The following CYRIB variants were observed in gnomAD, a reference collection of about 807,000 sequenced individuals.
CYRIB encodes the protein CYFIP related Rac1 interactor B, also known as CYFIP-related Rac1 interactor B.
In CYRIB, 8 loss-of-function variants were observed where a neutral mutation model predicts 44.2. The observed-to-expected ratio is 0.18, with a 90% CI of 0.11 to 0.33. The LOEUF (loss-of-function observed/expected upper bound fraction) is 0.33, where lower values mean the gene tolerates loss of function less well. CYRIB is among the 10% of genes least tolerant of loss of function. The probability of loss-of-function intolerance (pLI) is 1.00; values close to 1 mark genes in which losing one functional copy is unlikely to be tolerated. For missense variants in CYRIB, 185 were observed against 382.8 expected (o/e 0.48, Z 4.31); for synonymous variants, 131 against 127.2 (o/e 1.03, Z -0.20).
At chr8:129,842,398 T>C (rs990093950) in intron 11 of CYRIB, among the ~76,000 whole-genome samples, 193 bp from the exon 14 acceptor site, 7 of 152,192 alleles carry the variant, frequency 4.6e-5, no homozygotes, top group Admixed American at 3.3e-4. Flanking sequence ...GAATAGCCAG[T>C]AGCTATTTAG....
intron 1 of CYRIB, among the ~76,000 whole-genome samples, chr8:129,922,210 C>T (rs1261617561): frequency 6.6e-6 from 1 of 152,184 alleles, no homozygotes; most frequent in Non-Finnish European, 1.5e-5. Context: ...TACCTGTCAT[C>T]ATCCCAACAA....
chr8:129,964,217 C>T (rs192703197), intron 2 of CYRIB, among the ~76,000 whole-genome samples: 26 of 152,302 alleles, frequency 1.7e-4, no homozygotes, highest in African/African-American at 4.3e-4. Context: ...GCATACTCAA[C>T]GGGAAAGTTG....
At chr8:129,850,692 A>G (rs2042813170) in intron 9 of CYRIB, 143 bp downstream of exon 11, 1 of 676,786 alleles carries the variant, frequency 1.5e-6, no homozygotes, top group Admixed American at 2.9e-5. Context: ...AAGTTTGTTC[A>G]TATATTAACA....
intron 11 of CYRIB, among the ~76,000 whole-genome samples, chr8:129,846,294 A>G (rs777266238): frequency 2.6e-5 from 4 of 152,234 alleles, no homozygotes; most frequent in African/African-American, 4.8e-5. Context: ...ATTACATTCT[A>G]TTAAGAGGAA....
intron 1 of CYRIB, among the ~76,000 whole-genome samples, chr8:129,912,179 G>A (rs76972411): frequency 0.017 from 2,605 of 152,070 alleles, 86 homozygotes; most frequent in African/African-American, 0.059. Context: ...AATAACATAA[G>A]GCAAATAAAG....
At chr8:129,999,744 A>G (rs1317317926) in intron 1 of CYRIB, among the ~76,000 whole-genome samples, 1 of 152,200 alleles carries the variant, frequency 6.6e-6, no homozygotes, top group Non-Finnish European at 1.5e-5. Flanking sequence ...CTCCCACTTC[A>G]GCCTCCCGAA....
chr8:129,917,757 T>C (rs1422197092), intron 1 of CYRIB, among the ~76,000 whole-genome samples: 2 of 152,080 alleles, frequency 1.3e-5, no homozygotes, highest in Admixed American at 6.5e-5. Context: ...CTCAGGAGGC[T>C]GAGACAGGAG....
intron 1 of CYRIB, among the ~76,000 whole-genome samples, chr8:129,906,878 T>G (rs909997395): frequency 1.3e-5 from 2 of 152,110 alleles, no homozygotes; most frequent in African/African-American, 4.8e-5. Flanking sequence ...ATCAGAGAAA[T>G]GCAAATCAAA....
intron 1 of CYRIB, among the ~76,000 whole-genome samples, chr8:129,975,284 G>A (rs1198076700): frequency 6.6e-6 from 1 of 152,126 alleles, no homozygotes; most frequent in African/African-American, 2.4e-5. Context: ...CCAAAGTGCT[G>A]GGATTACAGG....
intron 1 of CYRIB, among the ~76,000 whole-genome samples, chr8:130,011,574 T>C (rs1013933184): frequency 4.0e-5 from 6 of 151,780 alleles, no homozygotes; most frequent in African/African-American, 1.2e-4. Flanking sequence ...TCCCAGCACG[T>C]TGGGAGGCCG....
At chr8:129,847,666 C>T (rs982940493) in intron 10 of CYRIB, among the ~76,000 whole-genome samples, 2 of 152,096 alleles carry the variant, frequency 1.3e-5, no homozygotes, top group Admixed American at 1.3e-4. Context: ...AGGGGACTCA[C>T]AGGTTATTTT....
intron 1 of CYRIB, among the ~76,000 whole-genome samples, chr8:129,986,817 C>T (rs1024501995): frequency 2.6e-5 from 4 of 152,190 alleles, no homozygotes; most frequent in Non-Finnish European, 5.9e-5. Flanking sequence ...ACGGACAAGA[C>T]ACCAGGCAAA....
intron 1 of CYRIB, among the ~76,000 whole-genome samples, chr8:129,998,288 CG>C (rs1379613050): frequency 6.6e-6 from 1 of 152,130 alleles, no homozygotes; most frequent in Non-Finnish European, 1.5e-5. Flanking sequence ...CCTTCCAAGT[CG>C]GTACCTGGGT....
chr8:129,984,765 G>GT (rs553189841), intron 1 of CYRIB, among the ~76,000 whole-genome samples: 201 of 151,850 alleles, frequency 1.3e-3, no homozygotes, highest in African/African-American at 3.9e-3. Flanking sequence ...AGTGGTGGGG[G>GT]TTTTTTTTGT....
chr8:129,894,711 G>A (rs1012757386), intron 2 of CYRIB: 10 of 152,146 alleles, frequency 6.6e-5, no homozygotes, highest in Admixed American at 5.9e-4. Context: ...GCAGCAGCTT[G>A]TCTCTGGTAA....
rs1037305686 is a variant in CYRIB at position 129,854,437 on chromosome 8, C to T, written c.439-94G>A. 6.0e-6 allele frequency: 5 copies of T among 833,574 alleles called. No individual in the cohort carries two copies. In the African/African-American group the frequency reaches 8.8e-5, roughly 15 times the overall value. The allele number at this position is 833,574 out of a possible 1,614,324, so 51.6% of individuals were successfully genotyped here. On this transcript the variant is annotated intron_variant, in intron 6 of 11. Coordinates refer to ENST00000519824, the Ensembl canonical transcript of CYRIB. ...ATCTTTAGTTTTAATTAGTATAAAA[C>T]ATTCCATAATTCATAGTATCATTTT...
chr8:129,884,895 C>G (rs2062137294), intron 2 of CYRIB, among the ~76,000 whole-genome samples: 1 of 152,130 alleles, frequency 6.6e-6, no homozygotes, highest in African/African-American at 2.4e-5. Context: ...ACATTTGTTT[C>G]CACGTTGACA....
At chr8:129,911,732 A>G (rs963144377) in intron 1 of CYRIB, among the ~76,000 whole-genome samples, 9 of 152,174 alleles carry the variant, frequency 5.9e-5, no homozygotes, top group Non-Finnish European at 1.0e-4. Flanking sequence ...GCTGTTTTCA[A>G]TTATGAAAAA....
intron 1 of CYRIB, among the ~76,000 whole-genome samples, chr8:129,906,775 A>T (rs1253715411): frequency 6.6e-6 from 1 of 152,240 alleles, no homozygotes; most frequent in African/African-American, 2.4e-5. Context: ...AAACAACCCC[A>T]TCAACAAGTG....
Sources: gnomAD v4.1 joint callset for allele counts (sites outside exome capture counted in the v4.1 genomes callset) on GRCh38, gnomAD v4.1.1 for gene constraint, MANE v1.5 for transcripts, NCBI Gene and HGNC (gene_info 2026-07-23, HGNC 2026-07-21) for gene names.